MYO5B: variants seen among roughly 807,000 people sequenced by gnomAD.
MYO5B encodes the protein myosin VB.
In MYO5B, 143 loss-of-function variants were observed where a neutral mutation model predicts 229.3. The ratio of observed to expected loss-of-function variants is 0.62; its 90% CI spans 0.54 to 0.72. MYO5B has a LOEUF of 0.72. MYO5B is among the 30% of genes least tolerant of loss of function. The pLI is 0.00. For synonymous variants in MYO5B, 918 were observed against 885.2 expected, an observed-to-expected ratio of 1.04 and a Z score of -0.66; for missense variants, 2,321 against 2,331.0, an observed-to-expected ratio of 1.00 and a Z score of 0.09.
Position 50,089,859 on chromosome 18 carries a change from C to T in MYO5B, c.28-34481G>A, listed in dbSNP as rs188547662. On this transcript the variant is annotated intron_variant, in intron 1 of 39. Transcript: ENST00000285039. Reference sequence around the variant, plus strand: ...TGGCAACATGGCCACCCCCGCATAACCCCACATGTGTAGAACATCATGGCA... The same window carrying T: ...TGGCAACATGGCCACCCCCGCATAATCCCACATGTGTAGAACATCATGGCA... Among the ~76,000 whole-genome samples, 7 of 152,278 alleles carry T rather than the reference C, an allele frequency of 4.6e-5. No homozygotes were observed. In the East Asian group the frequency reaches 1.4e-3, roughly 30 times the overall value.
chr18:49,879,790 G>A (rs1342154727), intron 23 of MYO5B, among the ~76,000 whole-genome samples: 4 of 152,172 alleles, frequency 2.6e-5, no homozygotes, highest in African/African-American at 7.2e-5. Flanking sequence ...GGGGACTGAT[G>A]GCAGCCCAGG....
chr18:49,919,006 G>A (rs1348858168), intron 17 of MYO5B, among the ~76,000 whole-genome samples: 1 of 152,160 alleles, frequency 6.6e-6, no homozygotes, highest in African/African-American at 2.4e-5. Flanking sequence ...TTTTCTATCT[G>A]GAGGACTTGA....
chr18:49,863,399 T>C, intron 28 of MYO5B, 72 bp from the exon 29 acceptor site: 1 of 1,280,402 alleles, frequency 7.8e-7, no homozygotes, highest in East Asian at 2.3e-5. Flanking sequence ...TACAAACAGG[T>C]ATAAAAACAT....
chr18:49,937,885 T>C lies in MYO5B; in HGVS notation c.1753-488A>G, dbSNP rs897281669. Among the ~76,000 whole-genome samples, 7 of 152,096 alleles carry C rather than the reference T, an allele frequency of 4.6e-5. No individual in the cohort carries two copies. The South Asian group carries it at 6.2e-4, about 14-fold the overall frequency. On this transcript the variant is annotated intron_variant, in intron 14 of 39. Coordinates refer to ENST00000285039, the MANE Select transcript of MYO5B (RefSeq NM_001080467.3). The stretch of plus-strand genomic sequence containing the variant: ...CTGCTAAGGGGGACAGGATTTCTTT[T>C]TGGAGTAATAAAAATATTCCCAGAC...
At chr18:49,932,126 C>T (rs2025200144) in intron 16 of MYO5B, among the ~76,000 whole-genome samples, 1 of 152,160 alleles carries the variant, frequency 6.6e-6, no homozygotes, top group South Asian at 2.1e-4. Flanking sequence ...ATTGAGAACC[C>T]CGTCATTCCT....
intron 1 of MYO5B, among the ~76,000 whole-genome samples, chr18:50,092,873 AC>A (rs748735694): frequency 2.6e-5 from 4 of 152,214 alleles, no homozygotes; most frequent in Non-Finnish European, 5.9e-5. Flanking sequence ...AAAATTTAAA[AC>A]CTTAAGCATG....
intron 14 of MYO5B, chr18:49,946,206 A>G (rs1484797630): frequency 6.6e-6 from 1 of 152,100 alleles, no homozygotes; most frequent in East Asian, 1.9e-4. Context: ...TGAGACCAGA[A>G]GTGTTTCAGA....
chr18:49,887,501 C>T (rs2024657328), intron 22 of MYO5B, among the ~76,000 whole-genome samples: 2 of 152,032 alleles, frequency 1.3e-5, no homozygotes, highest in South Asian at 4.2e-4. Flanking sequence ...CATGTGGCAC[C>T]TCCCCGCTCT....
At chr18:49,841,147 T>G (rs1323138362) in intron 35 of MYO5B, among the ~76,000 whole-genome samples, 1 of 152,148 alleles carries the variant, frequency 6.6e-6, no homozygotes, top group African/African-American at 2.4e-5. Flanking sequence ...GAGTGCTTTT[T>G]GGGGCCCCTT....
intron 1 of MYO5B, among the ~76,000 whole-genome samples, chr18:50,057,064 A>C: frequency 6.6e-6 from 1 of 152,238 alleles, no homozygotes; most frequent in East Asian, 1.9e-4. Flanking sequence ...GCTTTATTGC[A>C]TCTGAGAGCT....
intron 10 of MYO5B, among the ~76,000 whole-genome samples, chr18:49,973,872 C>T (rs182334486): frequency 1.3e-5 from 2 of 152,322 alleles, no homozygotes; most frequent in East Asian, 1.9e-4. Flanking sequence ...ACACACAACA[C>T]AAATCTGCAC....
chr18:50,102,931 C>T (rs1315679017), intron 1 of MYO5B, among the ~76,000 whole-genome samples: 84 of 149,666 alleles, frequency 5.6e-4, no homozygotes, highest in African/African-American at 1.8e-3. Flanking sequence ...TTTTTTTTTT[C>T]TTCCCCAGGA....
At chr18:49,961,770 C>T (rs2144259283) in intron 12 of MYO5B, among the ~76,000 whole-genome samples, 1 of 152,324 alleles carries the variant, frequency 6.6e-6, no homozygotes, top group East Asian at 1.9e-4. Flanking sequence ...AGGCACTCTC[C>T]AGGCTGACAA....
chr18:50,042,040 C>A (rs1452334935), intron 2 of MYO5B, among the ~76,000 whole-genome samples: 2 of 152,158 alleles, frequency 1.3e-5, no homozygotes, highest in Admixed American at 1.3e-4. Context: ...AAAAGATTAT[C>A]AGCACTATTA....
At chr18:50,037,639 C>G (rs1235659580) in intron 3 of MYO5B, among the ~76,000 whole-genome samples, 1 of 152,170 alleles carries the variant, frequency 6.6e-6, no homozygotes, top group Non-Finnish European at 1.5e-5. Context: ...GTGGCTCATG[C>G]CTGTAATCCC....
At chr18:49,960,784 G>A (rs2025550141) in intron 12 of MYO5B, among the ~76,000 whole-genome samples, 1 of 152,160 alleles carries the variant, frequency 6.6e-6, no homozygotes, top group South Asian at 2.1e-4. Flanking sequence ...GCCCCCACCA[G>A]CCTGATTGGC....
intron 1 of MYO5B, among the ~76,000 whole-genome samples, chr18:50,119,235 T>A (rs891320011): frequency 4.6e-5 from 7 of 152,220 alleles, no homozygotes; most frequent in Admixed American, 4.6e-4. Flanking sequence ...CACATGGAGC[T>A]GCACTGTTCT....
intron 1 of MYO5B, among the ~76,000 whole-genome samples, chr18:50,085,487 C>A (rs1225076786): frequency 1.3e-5 from 2 of 151,930 alleles, no homozygotes; most frequent in African/African-American, 4.8e-5. Context: ...CTAGTTCAAC[C>A]ATTGTGGAAG....
intron 12 of MYO5B, among the ~76,000 whole-genome samples, chr18:49,956,589 T>A (rs932549410): frequency 1.3e-5 from 2 of 152,198 alleles, no homozygotes; most frequent in East Asian, 3.8e-4. Flanking sequence ...AAAAAAATCT[T>A]ATATTTTGAT....
Sources: allele counts gnomAD v4.1 joint callset (sites outside exome capture counted in the v4.1 genomes callset), GRCh38; gene constraint gnomAD v4.1.1; transcripts MANE v1.5; gene names NCBI Gene and HGNC (gene_info 2026-07-23, HGNC 2026-07-21).